Variants in MPHOSPH10 observed in about 807,000 individuals in gnomAD.
MPHOSPH10 encodes U3 small nucleolar ribonucleoprotein MPP10.
In MPHOSPH10, 33 loss-of-function variants were observed where a neutral mutation model predicts 77.3. The observed-to-expected ratio is 0.43, with a 90% CI of 0.32 to 0.57. The LOEUF is 0.57. Ranked by LOEUF, MPHOSPH10 falls within the 20% of genes least tolerant of loss-of-function variation. The pLI is 0.07. For missense variants in MPHOSPH10, 708 were observed against 780.1 expected, an observed-to-expected ratio of 0.91 and a Z score of 1.10; for synonymous variants, 245 against 268.0, an observed-to-expected ratio of 0.91 and a Z score of 0.84.
rs1275958788 is a variant in MPHOSPH10 at position 71,144,533 on chromosome 2, A to G, written c.1552A>G (p.Lys518Glu). 2 of 1,609,782 alleles carry G rather than the reference A, an allele frequency of 1.2e-6. No individual in the cohort carries two copies. Among genetic ancestry groups the G allele is most frequent in the Non-Finnish European group, 1.7e-6 (2 of 1,176,214 alleles). Residue 518 changes from lysine (K) to glutamate (E), a missense_variant, in exon 8 of 11, where the codon AAA (lysine) becomes GAA (glutamate). Coordinates refer to ENST00000244230, the MANE Select transcript of MPHOSPH10 (RefSeq NM_005791.3). ...DALSNFHFIPKPPVPEIKVVS... is the reference protein window; with the variant it reads ...DALSNFHFIPEPPVPEIKVVS... Reference sequence around the variant, plus strand: ...CCTCTCAAACTTCCACTTTATCCCTAAACCGGTAAGTGTGTTAACAGTTCA... The same window carrying G: ...CCTCTCAAACTTCCACTTTATCCCTGAACCGGTAAGTGTGTTAACAGTTCA...
chr2:71,136,356 AT>A (rs967106075), intron 4 of MPHOSPH10, among the ~76,000 whole-genome samples: 13 of 152,154 alleles, frequency 8.5e-5, no homozygotes, highest in African/African-American at 3.1e-4. Context: ...TCCACTAAAG[AT>A]TAAAAAAGTT....
chr2:71,147,264 A>C (rs1485227672), intron 8 of MPHOSPH10, among the ~76,000 whole-genome samples: 8 of 152,218 alleles, frequency 5.3e-5, no homozygotes, highest in African/African-American at 1.9e-4. Context: ...GAGATCAGTA[A>C]ATCTTACCAA....
intron 9 of MPHOSPH10, chr2:71,148,635 G>GC (rs1283897617): frequency 6.3e-6 from 1 of 158,348 alleles, no homozygotes; most frequent in Non-Finnish European, 1.4e-5. Flanking sequence ...GGCTGGCTTA[G>GC]CAGCAGGGCC....
intron 10 of MPHOSPH10, 66 bp downstream of exon 10, chr2:71,149,519 G>T (rs1443242096): frequency 1.6e-5 from 23 of 1,449,504 alleles, no homozygotes; most frequent in Non-Finnish European, 1.9e-5. Flanking sequence ...GCAAGTGCTG[G>T]GTGACTGGAA....
intron 7 of MPHOSPH10, 62 bp from the exon 8 acceptor site, chr2:71,144,366 T>C: frequency 8.6e-7 from 1 of 1,162,932 alleles, no homozygotes; most frequent in Non-Finnish European, 1.3e-6. Context: ...TGACCTTTAG[T>C]GTTTTGTCCT....
At chr2:71,144,589 G>C in intron 8 of MPHOSPH10, 51 bp downstream of exon 8, 2 of 1,333,882 alleles carry the variant, frequency 1.5e-6, no homozygotes, top group Non-Finnish European at 2.1e-6. Flanking sequence ...GACCTTCATA[G>C]CTTTGATCCT....
chr2:71,143,470 G>A (rs1673650696), intron 7 of MPHOSPH10, among the ~76,000 whole-genome samples: 1 of 152,048 alleles, frequency 6.6e-6, no homozygotes, highest in African/African-American at 2.4e-5. Flanking sequence ...TTTAATTGAT[G>A]TGAGATTTAT....
intron 6 of MPHOSPH10, 136 bp downstream of exon 6, chr2:71,139,998 T>A: frequency 1.6e-6 from 1 of 620,698 alleles, no homozygotes. Flanking sequence ...GGCTACCTAG[T>A]CAGCTTTTGT....
Position 71,130,744 on chromosome 2 carries a change from T to G in MPHOSPH10, c.79T>G (p.Cys27Gly). The G allele has an allele frequency of 6.2e-7, 1 of 1,608,876 alleles. No homozygotes were observed. Among genetic ancestry groups the G allele is most frequent in the Non-Finnish European group, 8.5e-7 (1 of 1,177,938 alleles). Residue 27 changes from cysteine to glycine, a missense_variant, in exon 1 of 11, where the codon TGC becomes GGC. Transcript: ENST00000244230. ...CGGCAAAGCCACGGGTCGGCCCGAGTGCTTCCTCACGTAAGTGCGCAGATC... is the reference window on the plus strand; with the variant it reads ...CGGCAAAGCCACGGGTCGGCCCGAGGGCTTCCTCACGTAAGTGCGCAGATC... ...EVGKATGRPE[C>G]FLTIQEGLAS... is the part of the protein sequence containing the mutation.
rs777119691 is a variant in MPHOSPH10 at position 71,130,737 on chromosome 2, G to C, written c.72G>C (p.Arg24=). The C allele has an allele frequency of 1.2e-6, 2 of 1,609,358 alleles. No individual in the cohort carries two copies. The highest frequency in any genetic ancestry group is 1.7e-6 in the Non-Finnish European group (2 of 1,178,236). The stretch of plus-strand genomic sequence containing the variant: ...CGGAAGTCGGCAAAGCCACGGGTCG[G>C]CCCGAGTGCTTCCTCACGTAAGTGC... ...CLTEVGKATG[R]PECFLTIQEG... The change falls in exon 1 of 11, where the codon CGG becomes CGC. Residue 24 remains arginine (R), a synonymous_variant. Coordinates refer to ENST00000244230, the MANE Select transcript of MPHOSPH10 (RefSeq NM_005791.3).
intron 1 of MPHOSPH10, 132 bp from the exon 2 acceptor site, chr2:71,132,766 G>A: frequency 8.3e-7 from 1 of 1,204,038 alleles, no homozygotes; most frequent in South Asian, 1.7e-5. Context: ...ATATGTTGTT[G>A]GGGGCCAGAA....
chr2:71,130,887 T>C (rs1673363887), intron 1 of MPHOSPH10, 133 bp downstream of exon 1: 7 of 815,008 alleles, frequency 8.6e-6, no homozygotes, highest in Non-Finnish European at 1.1e-5. Flanking sequence ...AATTTCAGAG[T>C]TTATGCTTTC....
Position 71,149,960 on chromosome 2 carries a change from CAG to C in MPHOSPH10, c.1993_1994del (p.Glu665LysfsTer13). The C allele has an allele frequency of 1.3e-6, 2 of 1,517,530 alleles. No homozygotes were observed. The highest frequency in any genetic ancestry group is 1.9e-4 in the Middle Eastern group (1 of 5,142). 94.0% of individuals were successfully genotyped at this position (1,517,530 alleles called of 1,614,324 possible). On this transcript the variant is annotated frameshift_variant, in exon 11 of 11. Coordinates refer to ENST00000244230, the MANE Select transcript of MPHOSPH10 (RefSeq NM_005791.3). LOFTEE classifies it high-confidence loss of function. Reference sequence around the variant, plus strand: ...ATGCAAATCAATGATGCAAAGAAAACAGAAAAGAAAAAGAAGAAAAGACAGGA... The same window carrying C: ...ATGCAAATCAATGATGCAAAGAAAACAAAAGAAAAAGAAGAAAAGACAGGA...
chr2:71,138,457 A>G (rs1200893384), intron 4 of MPHOSPH10, 33 bp from the exon 5 acceptor site: 2 of 1,451,844 alleles, frequency 1.4e-6, no homozygotes, highest in Non-Finnish European at 1.9e-6. Context: ...TTTATTTTCT[A>G]AATGTATACT....
chr2:71,148,356 C>CT, intron 9 of MPHOSPH10: 1 of 366,360 alleles, frequency 2.7e-6, no homozygotes, highest in Admixed American at 3.9e-5. Flanking sequence ...GTATCAATAT[C>CT]TTATTATAAT....
At chr2:71,149,127 C>T (rs1673769367) in intron 9 of MPHOSPH10, 96 bp from the exon 10 acceptor site, 2 of 1,130,116 alleles carry the variant, frequency 1.8e-6, no homozygotes, top group Non-Finnish European at 2.5e-6. Context: ...CACAGATGCA[C>T]AGCCTGCTTG....
chr2:71,140,840 A>G (rs1339994120), intron 6 of MPHOSPH10, among the ~76,000 whole-genome samples: 3 of 152,198 alleles, frequency 2.0e-5, no homozygotes, highest in Non-Finnish European at 4.4e-5. Flanking sequence ...ATTTGAAATG[A>G]AACATGATAA....
intron 3 of MPHOSPH10, 144 bp from the exon 4 acceptor site, chr2:71,134,482 A>T: frequency 1.4e-6 from 1 of 711,336 alleles, no homozygotes; most frequent in Non-Finnish European, 2.2e-6. Context: ...TTTGTTCCTT[A>T]ATAACTGAAT....
chr2:71,137,203 A>T (rs568900322), intron 4 of MPHOSPH10, among the ~76,000 whole-genome samples: 3 of 152,240 alleles, frequency 2.0e-5, no homozygotes, highest in Admixed American at 1.3e-4. Context: ...ATATAAATAC[A>T]TTTAAGCCAA....
Sources: allele counts gnomAD v4.1 joint callset (sites outside exome capture counted in the v4.1 genomes callset), GRCh38; gene constraint gnomAD v4.1.1; transcripts MANE v1.5; gene names NCBI Gene and HGNC (gene_info 2026-07-23, HGNC 2026-07-21).